The following OR51B5 variants were observed in gnomAD, a reference collection of about 807,000 sequenced individuals.
OR51B5 encodes olfactory receptor family 51 subfamily B member 5, also known as olfactory receptor 51B5.
For synonymous variants in OR51B5, 186 were observed against 144.8 expected, an observed-to-expected ratio of 1.28 and a Z score of -2.04; for missense variants, 456 against 374.6, an observed-to-expected ratio of 1.22 and a Z score of -1.79.
chr11:5,445,072 T>G (rs1850741199), intron 1 of OR51B5, among the ~76,000 whole-genome samples: 1 of 152,154 alleles, frequency 6.6e-6, no homozygotes, highest in African/African-American at 2.4e-5. Context: ...CTCAGGCAAT[T>G]GCCCAGTGCT....
intron 1 of OR51B5, among the ~76,000 whole-genome samples, chr11:5,438,361 C>CG (rs906625913): frequency 2.0e-5 from 3 of 151,522 alleles, no homozygotes; most frequent in African/African-American, 4.9e-5. Flanking sequence ...CAACACCCCC[C>CG]CCCAGTTATC....
intron 1 of OR51B5, among the ~76,000 whole-genome samples, chr11:5,385,663 AAAG>A (rs1288285010): frequency 2.0e-5 from 3 of 151,012 alleles, no homozygotes; most frequent in Admixed American, 6.6e-5. Flanking sequence ...CATGTATAAT[AAAG>A]AATACGTATA....
chr11:5,420,710 T>C (rs1290135750), intron 1 of OR51B5, among the ~76,000 whole-genome samples: 1 of 152,194 alleles, frequency 6.6e-6, no homozygotes, highest in Non-Finnish European at 1.5e-5. Flanking sequence ...TTTTATTTTT[T>C]GTCACTGATT....
At chr11:5,414,133 A>G (rs963809915) in intron 1 of OR51B5, among the ~76,000 whole-genome samples, 1 of 152,052 alleles carries the variant, frequency 6.6e-6, no homozygotes, top group African/African-American at 2.4e-5. Flanking sequence ...AATATTCAAC[A>G]TTCTTAAGAA....
Position 5,418,797 on chromosome 11 carries a change from C to T in OR51B5, n.85-71887G>A, listed in dbSNP as rs1285493448. On this transcript the variant is annotated intron_variant and non_coding_transcript_variant, in intron 1 of 4. Transcript: ENST00000415970. ...AATGTAGGTGACGGGTTGATAGATG[C>T]AGCAAACCATCATGGCACGTGTATA... Among the ~76,000 whole-genome samples the T allele has an allele frequency of 3.3e-5, 5 of 150,150 alleles. No homozygotes were observed. The Admixed American group carries it at 3.3e-4, about 10-fold the overall frequency.
intron 1 of OR51B5, among the ~76,000 whole-genome samples, chr11:5,379,875 A>G (rs1564793641): frequency 6.6e-6 from 1 of 151,978 alleles, no homozygotes; most frequent in Admixed American, 6.6e-5. Context: ...CCTTGCATGC[A>G]CTTGCTCTTT....
intron 1 of OR51B5, among the ~76,000 whole-genome samples, chr11:5,355,797 G>T (rs984740855): frequency 6.6e-6 from 1 of 151,956 alleles, no homozygotes; most frequent in South Asian, 2.1e-4. Context: ...AAGGGGTATA[G>T]GGTAGCAAAA....
Position 5,485,807 on chromosome 11 carries a change from G to A in OR51B5, n.84+19762C>T, listed in dbSNP as rs545206032. On this transcript the variant is annotated intron_variant and non_coding_transcript_variant, in intron 1 of 4. Transcript: ENST00000415970. Reference sequence around the variant, plus strand: ...AAGATTTCCCTGGATGTCTGTTACAGGCTGAATTGTGTTGGTCTCCACACC... The same window carrying A: ...AAGATTTCCCTGGATGTCTGTTACAAGCTGAATTGTGTTGGTCTCCACACC... Among the ~76,000 whole-genome samples the A allele has an allele frequency of 3.3e-5, 5 of 152,244 alleles. No individual in the cohort carries two copies. The East Asian group carries it at 9.6e-4, about 29-fold the overall frequency.
exon 1 of OR51B5, chr11:5,343,250 C>A (rs777010966): frequency 6.2e-7 from 1 of 1,613,574 alleles, no homozygotes; most frequent in South Asian, 1.1e-5. Flanking sequence ...GCAGGCCGCA[C>A]TTCCAATCTC....
At chr11:5,344,443 T>G (rs545385427), upstream of OR51B5, among the ~76,000 whole-genome samples, 10 of 152,324 alleles carry the variant, frequency 6.6e-5, no homozygotes, top group African/African-American at 2.4e-4. Context: ...TCTTCCTGGT[T>G]TCCTTCCCTT....
At chr11:5,453,867 T>A (rs1398586789) in intron 1 of OR51B5, 1 of 1,614,118 alleles carries the variant, frequency 6.2e-7, no homozygotes, top group African/African-American at 1.3e-5. Flanking sequence ...TGTGGCCATT[T>A]GTGACCCCTT....
intron 1 of OR51B5, among the ~76,000 whole-genome samples, chr11:5,478,363 A>T (rs1159907346): frequency 6.7e-6 from 1 of 149,850 alleles, no homozygotes; most frequent in Non-Finnish European, 1.5e-5. Context: ...CCATCTGTAC[A>T]TCACCATCAT....
intron 1 of OR51B5, chr11:5,453,958 TCC>T: frequency 6.2e-7 from 1 of 1,614,110 alleles, no homozygotes; most frequent in Middle Eastern, 1.6e-4. Flanking sequence ...ATCACCCTTT[TCC>T]CTCTTCCCTT....
rs770539323 is a variant in OR51B5, at chr11:5,401,988, C to T, written n.85-55078G>A. ...CCTTCTTTCCTCCTTCCCTCCCTCC[C>T]GCTTGCTGTTCTCTTTTTCTTTCTT... On this transcript the variant is annotated intron_variant and non_coding_transcript_variant, in intron 1 of 4. Coordinates refer to the OR51B5 transcript ENST00000415970. Among the ~76,000 whole-genome samples, 11 of 150,116 alleles carry T rather than the reference C, an allele frequency of 7.3e-5. 1 individual carries two copies. Among genetic ancestry groups the T allele is most frequent in the Non-Finnish European group, 1.0e-4 (7 of 67,600 alleles).
chr11:5,454,525 G>A, intron 1 of OR51B5: 1 of 1,065,198 alleles, frequency 9.4e-7, no homozygotes. Flanking sequence ...ATTGTGTGCT[G>A]CGGGAAAAGT....
At chr11:5,468,122 A>T (rs1851165405) in intron 1 of OR51B5, among the ~76,000 whole-genome samples, 1 of 152,234 alleles carries the variant, frequency 6.6e-6, no homozygotes, top group South Asian at 2.1e-4. Flanking sequence ...CAGGTAACAT[A>T]ATCTACATTA....
chr11:5,384,485 G>A (rs189384559), intron 1 of OR51B5, among the ~76,000 whole-genome samples: 1,651 of 152,248 alleles, frequency 0.011, 15 homozygotes, highest in South Asian at 0.018. Context: ...GAAAAGAGGC[G>A]AGCTCATCTG....
intron 1 of OR51B5, among the ~76,000 whole-genome samples, chr11:5,384,226 G>A (rs781052999): frequency 2.6e-5 from 4 of 152,108 alleles, no homozygotes; most frequent in Non-Finnish European, 5.9e-5. Flanking sequence ...CCAGGCTACA[G>A]TGCAGTGGTG....
At position 5,403,166 on chromosome 11, in the gene OR51B5, T is replaced by TATCC. The variant is rs397943374; in HGVS notation, n.85-56257_85-56256insGGAT. 283 of 471,302 alleles carry TATCC rather than the reference T, an allele frequency of 6.0e-4. 2 individuals carry two copies. Among genetic ancestry groups the TATCC allele is most frequent in the South Asian group, 6.8e-4 (44 of 64,566 alleles). 29.2% of individuals were successfully genotyped at this position (471,302 alleles called of 1,614,324 possible). ...TGTCTGCACCCCAATCTTATCTATC[T>TATCC]TGTGGGAACATTTCTGTTAACAATA... On this transcript the variant is annotated intron_variant and non_coding_transcript_variant, in intron 1 of 4. Coordinates refer to the OR51B5 transcript ENST00000415970.
Sources: gnomAD v4.1 joint callset for allele counts (sites outside exome capture counted in the v4.1 genomes callset) on GRCh38, gnomAD v4.1.1 for gene constraint, MANE v1.5 for transcripts, NCBI Gene and HGNC (gene_info 2026-07-23, HGNC 2026-07-21) for gene names.